The following NSD1 variants were observed in gnomAD, a reference collection of about 807,000 sequenced individuals.
The protein encoded by NSD1 is nuclear receptor binding SET domain protein 1, also known as histone-lysine N-methyltransferase, H3 lysine-36 specific.
NSD1 carries 26 observed loss-of-function variants against 242.7 expected under a neutral mutation model. That is an observed-to-expected ratio of 0.11 (90% CI 0.08 to 0.15). The LOEUF (loss-of-function observed/expected upper bound fraction) is 0.15, where lower values mean the gene tolerates loss of function less well. Among genes scored for constraint, NSD1 ranks in the 10% least tolerant of loss-of-function variants. The pLI, the probability that NSD1 is intolerant of heterozygous loss-of-function variation, is 1.00. For missense variants in NSD1, 2,495 were observed against 3,272.8 expected (o/e 0.76, Z 5.80); for synonymous variants, 1,106 against 1,178.1 (o/e 0.94, Z 1.25).
At chr5:177,164,468 C>T (rs1446725201) in intron 2 of NSD1, among the ~76,000 whole-genome samples, 1 of 151,780 alleles carries the variant, frequency 6.6e-6, no homozygotes, top group Admixed American at 6.6e-5. Context: ...CAAAATGTAA[C>T]GTCTGTCTAG....
Position 177,210,947 on chromosome 5 carries a change from A to G in NSD1, c.2548A>G (p.Ser850Gly), listed in dbSNP as rs1303747358. The G allele has an allele frequency of 1.2e-6, 2 of 1,614,106 alleles. No individual in the cohort carries two copies. Among genetic ancestry groups the G allele is most frequent in the Non-Finnish European group, 1.7e-6 (2 of 1,180,044 alleles). ...NNMHEKTRDSSDIETAVVKHV... is the reference protein window; with the variant it reads ...NNMHEKTRDSGDIETAVVKHV... The stretch of plus-strand genomic sequence containing the variant: ...TATGCATGAGAAAACCAGGGATTCA[A>G]GTGACATAGAAACAGCAGTGGTGAA... Residue 850 changes from serine (S) to glycine (G), a missense_variant, in exon 5 of 23, where the codon AGT becomes GGT. By Grantham distance (56) the Ser-to-Gly change is moderately conservative. This residue lies in a region of NSD1 where 121 missense variants were observed against 167.2 expected (regional missense o/e 0.72). Coordinates refer to ENST00000439151, the MANE Select transcript of NSD1 (RefSeq NM_022455.5).
chr5:177,142,824 C>T (rs1277976429), intron 2 of NSD1, among the ~76,000 whole-genome samples: 1 of 152,158 alleles, frequency 6.6e-6, no homozygotes, highest in African/African-American at 2.4e-5. Flanking sequence ...AAATGCCTCA[C>T]ACCTCATTTT....
rs1282243168 is a variant in NSD1 at position 177,298,672 on chromosome 5, G to T, written c.*3213G>T. 4.3e-6 allele frequency: 1 copy of T among 233,192 alleles called. No individual in the cohort carries two copies. The highest frequency in any genetic ancestry group is 8.5e-6 in the Non-Finnish European group (1 of 118,038). The allele number at this position is 233,192 out of a possible 1,614,324, so 14.4% of individuals were successfully genotyped here. On this transcript the variant is annotated 3_prime_UTR_variant, in exon 23 of 23. Transcript: ENST00000439151. ...TCCTTCACCCCACACTATGGTCAGG[G>T]CATGAAACACCCTGTTGATCCCTTC... is the stretch of plus-strand genomic sequence containing the variant.
intron 3 of NSD1, among the ~76,000 whole-genome samples, chr5:177,199,987 T>TA (rs1475967133): frequency 1.3e-5 from 2 of 152,354 alleles, no homozygotes; most frequent in East Asian, 3.9e-4. Context: ...CTCCTCAACT[T>TA]ACAATGGGGA....
intron 5 of NSD1, among the ~76,000 whole-genome samples, chr5:177,218,488 T>TG (rs1290766149): frequency 1.3e-5 from 2 of 152,208 alleles, no homozygotes; most frequent in East Asian, 3.9e-4. Flanking sequence ...GTTAATGTGC[T>TG]GTATTCTGTT....
At chr5:177,190,981 C>CTTT (rs1182246710) in intron 2 of NSD1, among the ~76,000 whole-genome samples, 2 of 71,170 alleles carry the variant, frequency 2.8e-5, no homozygotes, top group African/African-American at 9.2e-5. Flanking sequence ...TTTTTTTTTT[C>CTTT]TTTTTTTTTT....
intron 11 of NSD1, among the ~76,000 whole-genome samples, chr5:177,249,940 G>C (rs1755791373): frequency 6.6e-6 from 1 of 152,152 alleles, no homozygotes; most frequent in South Asian, 2.1e-4. Context: ...ACAAAAATTA[G>C]CCAGGCATGA....
At chr5:177,249,463 AT>A (rs1459479745) in intron 11 of NSD1, among the ~76,000 whole-genome samples, 6 of 150,644 alleles carry the variant, frequency 4.0e-5, no homozygotes, top group Admixed American at 6.6e-5. Flanking sequence ...TTAATTATTT[AT>A]TTATTTATTT....
At position 177,264,617 on chromosome 5, in the gene NSD1, C is replaced by T. The variant is rs10037631; in HGVS notation, c.5147-2945C>T. On this transcript the variant is annotated intron_variant, in intron 14 of 22. Coordinates refer to ENST00000439151, the MANE Select transcript of NSD1 (RefSeq NM_022455.5). ...CAATACAGACAAAAGTGAGCTTTTC[C>T]AGTTGAAGTAGGAGTCTGATCTGAA... 495 of 375,516 alleles carry T rather than the reference C, an allele frequency of 1.3e-3. 3 individuals carry two copies. The highest frequency in any genetic ancestry group is 9.7e-3 in the African/African-American group (468 of 48,048). The allele number at this position is 375,516 out of a possible 1,614,324, so 23.3% of individuals were successfully genotyped here. A position where few individuals can be genotyped will look rare whatever the true frequency, so the allele number is the denominator to read the frequency against.
chr5:177,246,700 G>C lies in NSD1; in HGVS notation c.4401G>C (p.Lys1467Asn), dbSNP rs763273828. The change falls in exon 10 of 23, where the codon AAG becomes AAC. Residue 1467 changes from lysine (K) to asparagine (N), a missense_variant. Coordinates refer to ENST00000439151, the MANE Select transcript of NSD1 (RefSeq NM_022455.5). ...FGGGTTKIFD[K>N]PRKRKRQRHA... ...TAGGCACTACCAAGATATTTGACAA[G>C]CCAAGGAAGCGAAAACGACAGAGGC... 2.5e-6 allele frequency: 4 copies of C among 1,614,002 alleles called. No individual in the cohort carries two copies. The Admixed American group carries it at 6.7e-5, about 27-fold the overall frequency.
chr5:177,198,906 C>T (rs906986939), intron 3 of NSD1, among the ~76,000 whole-genome samples: 7 of 152,232 alleles, frequency 4.6e-5, no homozygotes, highest in African/African-American at 1.7e-4. Context: ...TCCTCTGTCT[C>T]CATCTTTCCA....
chr5:177,242,969 G>A (rs1766003694), intron 8 of NSD1, among the ~76,000 whole-genome samples: 1 of 152,186 alleles, frequency 6.6e-6, no homozygotes, highest in Non-Finnish European at 1.5e-5. Flanking sequence ...TAGTGGGTGA[G>A]GTGAATAAAA....
chr5:177,177,629 G>A (rs537423564), intron 2 of NSD1, among the ~76,000 whole-genome samples: 2 of 152,214 alleles, frequency 1.3e-5, no homozygotes, highest in Admixed American at 6.5e-5. Flanking sequence ...CAGCCTGGGT[G>A]ACAGATTCAT....
chr5:177,194,122 A>G (rs963917902), intron 3 of NSD1, among the ~76,000 whole-genome samples: 2 of 152,098 alleles, frequency 1.3e-5, no homozygotes, highest in Non-Finnish European at 2.9e-5. Context: ...CATATAAATT[A>G]TATTTTTATT....
intron 2 of NSD1, among the ~76,000 whole-genome samples, chr5:177,162,851 A>T (rs1253552029): frequency 6.6e-6 from 1 of 151,280 alleles, no homozygotes; most frequent in Non-Finnish European, 1.5e-5. Context: ...TTTTTTAGAG[A>T]TGGGGTTTTG....
In NSD1 at chr5:177,143,935, G is replaced by A. The variant is rs532218158; in HGVS notation, c.927+7905G>A. Among the ~76,000 whole-genome samples the A allele has an allele frequency of 7.5e-4, 114 of 151,824 alleles. No homozygotes were observed. In the Middle Eastern group the frequency reaches 0.027, roughly 36 times the overall value. On this transcript the variant is annotated intron_variant, in intron 2 of 22. Transcript: ENST00000439151. ...CAAGTAGCTTGGATTATAGGCATGCGCCACCATGCCCGACTAATTTTGTGT... is the reference window on the plus strand; with the variant it reads ...CAAGTAGCTTGGATTATAGGCATGCACCACCATGCCCGACTAATTTTGTGT...
At chr5:177,141,660 C>T (rs1310646832) in intron 2 of NSD1, among the ~76,000 whole-genome samples, 4 of 151,804 alleles carry the variant, frequency 2.6e-5, no homozygotes, top group East Asian at 3.9e-4. Flanking sequence ...TTTTTTGCGT[C>T]CTTGTTCTCT....
chr5:177,257,272 C>T (rs567966633), intron 13 of NSD1, 121 bp downstream of exon 13: 19 of 879,188 alleles, frequency 2.2e-5, no homozygotes, highest in African/African-American at 8.9e-5. Flanking sequence ...GCTGTGTTGC[C>T]GAGGCTGGAG....
Position 177,293,688 on chromosome 5 carries a change from G to A in NSD1, c.6464-144G>A, listed in dbSNP as rs1760036992. On this transcript the variant is annotated intron_variant, in intron 22 of 22. Coordinates refer to ENST00000439151, the MANE Select transcript of NSD1 (RefSeq NM_022455.5). Reference sequence around the variant, plus strand: ...AAGCTGGAATTCTGGGGCAAGAGGTGGCTGGTGAGTGGCATAAGCTCTCTG... The same window carrying A: ...AAGCTGGAATTCTGGGGCAAGAGGTAGCTGGTGAGTGGCATAAGCTCTCTG... 5.0e-6 allele frequency: 4 copies of A among 797,110 alleles called. No homozygotes were observed. In the African/African-American group the frequency reaches 5.2e-5, roughly 10 times the overall value. 49.4% of individuals were successfully genotyped at this position (797,110 alleles called of 1,614,324 possible).
Sources: gnomAD v4.1 joint callset for allele counts (sites outside exome capture counted in the v4.1 genomes callset) on GRCh38, gnomAD v4.1.1 for gene constraint, gnomAD v4.1.1 regional missense constraint, MANE v1.5 for transcripts, NCBI Gene and HGNC (gene_info 2026-07-23, HGNC 2026-07-21) for gene names.